Variants in ACP2 observed in about 807,000 individuals in gnomAD.
ACP2 encodes lysosomal acid phosphatase.
In ACP2, 35 loss-of-function variants were observed where a neutral mutation model predicts 54.7. The observed-to-expected ratio is 0.64, with a 90% confidence interval of 0.49 to 0.85. The LOEUF is 0.85. Among genes scored for constraint, ACP2 ranks in the 40% least tolerant of loss-of-function variants. ACP2 has a pLI of 0.00. For synonymous variants in ACP2, 210 were observed against 224.4 expected (o/e 0.94, Z 0.57); for missense variants, 492 against 565.0 (o/e 0.87, Z 1.31).
At chr11:47,240,294 C>A in intron 10 of ACP2, 45 bp from the exon 11 acceptor site, 1 of 948,986 alleles carries the variant, frequency 1.1e-6, no homozygotes, top group Non-Finnish European at 1.7e-6. Context: ...AGCGTTCCAT[C>A]ATATGCCAGC....
chr11:47,248,445 T>C, intron 1 of ACP2: 1 of 1,543,408 alleles, frequency 6.5e-7, no homozygotes, highest in Non-Finnish European at 8.7e-7. Context: ...GGGATGAGTC[T>C]TAACCATTCA....
intron 8 of ACP2, 25 bp downstream of exon 8, chr11:47,243,214 C>T: frequency 6.2e-7 from 1 of 1,613,962 alleles, no homozygotes; most frequent in Non-Finnish European, 8.5e-7. Flanking sequence ...CCTGACACAG[C>T]ACGCTAGGGA....
chr11:47,247,436 T>C lies in ACP2; in HGVS notation c.297+205A>G, dbSNP rs547906234. 18 of 615,136 alleles carry C rather than the reference T, an allele frequency of 2.9e-5. No individual in the cohort carries two copies. In the East Asian group the frequency reaches 5.0e-4, roughly 17 times the overall value. 38.1% of individuals were successfully genotyped at this position (615,136 alleles called of 1,614,324 possible). A position where few individuals can be genotyped will look rare whatever the true frequency, so the allele number is the denominator to read the frequency against. ...CTTAAGTCCGAATTTGGATGCTTAA[T>C]CAAATTTGCCTCATCCCAGCCAAGC... is the stretch of plus-strand genomic sequence containing the variant. On this transcript the variant is annotated intron_variant, in intron 3 of 10. Transcript: ENST00000672073.
In ACP2 at chr11:47,248,199, C is replaced by A. The variant is rs1376286798; in HGVS notation, c.115-66G>T. ...CCCTTGATAGGGACCCAGAGCCTAC[C>A]TTTTGCCCCATGTTAGGGAAGGAAG... is the stretch of plus-strand genomic sequence containing the variant. On this transcript the variant is annotated intron_variant, in intron 1 of 10. Coordinates refer to ENST00000672073, the MANE Select transcript of ACP2 (RefSeq NM_001610.4). The A allele has an allele frequency of 1.0e-5, 15 of 1,452,030 alleles. No homozygotes were observed. The East Asian group carries it at 3.0e-4, about 29-fold the overall frequency. 89.9% of individuals were successfully genotyped at this position (1,452,030 alleles called of 1,614,324 possible). A position where few individuals can be genotyped will look rare whatever the true frequency, so the allele number is the denominator to read the frequency against.
At chr11:47,243,721 C>T (rs1953956906) in intron 7 of ACP2, among the ~76,000 whole-genome samples, 1 of 152,114 alleles carries the variant, frequency 6.6e-6, no homozygotes, top group East Asian at 1.9e-4. Flanking sequence ...CTTAGGTGCT[C>T]AAATAAGGAA....
Position 47,240,248 on chromosome 11 carries a change from C to T in ACP2, c.1140G>A (p.Glu380=), listed in dbSNP as rs887017132. The change falls in exon 11 of 11, where the codon GAG becomes GAA. Residue 380 remains glutamate (E), a splice_region_variant and synonymous_variant. Transcript: ENST00000672073. ...CACATACAGCCAAGGCCACAATCAC[C>T]TCTGGGCATGGGGGAGGCAAGAGAA... is the stretch of plus-strand genomic sequence containing the variant. ...CQLASGPADT[E]VIVALAVCGS... is the part of the protein sequence containing the mutation. 1.4e-6 allele frequency: 2 copies of T among 1,459,508 alleles called. No homozygotes were observed. Among genetic ancestry groups the T allele is most frequent in the Non-Finnish European group, 9.6e-7 (1 of 1,039,152 alleles). 90.4% of individuals were successfully genotyped at this position (1,459,508 alleles called of 1,614,324 possible). A position where few individuals can be genotyped will look rare whatever the true frequency, so the allele number is the denominator to read the frequency against.
chr11:47,246,785 A>T (rs148984190), intron 3 of ACP2, among the ~76,000 whole-genome samples: 1,667 of 152,260 alleles, frequency 0.011, 39 homozygotes, highest in African/African-American at 0.037. Context: ...CTGAGACAGG[A>T]GAATCGCTTG....
intron 1 of ACP2, 91 bp downstream of exon 1, chr11:47,248,585 A>C (rs1238067198): frequency 1.2e-5 from 18 of 1,552,052 alleles, no homozygotes; most frequent in Non-Finnish European, 1.6e-5. Flanking sequence ...CTCCTAAACC[A>C]GCTGTTCCTT....
chr11:47,243,106 C>T lies in ACP2; in HGVS notation c.874G>A (p.Ala292Thr). ...TAGACATCCAGTGCCATTTGCAGGG[C>T]AACCAGGGTAGTGTCGTGCTGCGGG... Reference protein sequence around the residue: ...VYSAHDTTLVALQMALDVYNG... With the variant: ...VYSAHDTTLVTLQMALDVYNG... Residue 292 changes from alanine to threonine, a missense_variant, in exon 9 of 11, where the codon GCC becomes ACC. Transcript: ENST00000672073. 1 of 1,614,228 alleles carries T rather than the reference C, an allele frequency of 6.2e-7. No homozygotes were observed.
At chr11:47,240,954 CAT>C (rs1471906758) in intron 10 of ACP2, among the ~76,000 whole-genome samples, 5 of 152,084 alleles carry the variant, frequency 3.3e-5, no homozygotes, top group Non-Finnish European at 7.4e-5. Flanking sequence ...CAATGAATGA[CAT>C]ACAACAATCT....
rs368717352 is a variant in ACP2, at chr11:47,242,795, G to A, written c.1066C>T (p.Arg356Cys). Reference protein sequence around the residue: ...PHRCPLQDFLRLTEPVVPKDW... With the variant: ...PHRCPLQDFLCLTEPVVPKDW... ...TTGGGCACGACGGGCTCTGTGAGGC[G>A]AAGGAAGTCCTGCAGTGGGCAGCGG... is the stretch of plus-strand genomic sequence containing the variant. Residue 356 changes from arginine to cysteine, a missense_variant, in exon 10 of 11, where the codon CGC (arginine) becomes TGC (cysteine). Coordinates refer to ENST00000672073, the MANE Select transcript of ACP2 (RefSeq NM_001610.4). 1.1e-5 allele frequency: 17 copies of A among 1,614,206 alleles called. No individual in the cohort carries two copies. In the East Asian group the frequency reaches 1.1e-4, roughly 11 times the overall value.
At chr11:47,245,084 C>A in intron 6 of ACP2, 2 of 957,424 alleles carry the variant, frequency 2.1e-6, no homozygotes, top group Admixed American at 2.1e-5. Flanking sequence ...CAGAAAGGAG[C>A]TCTGGGTGGA....
intron 6 of ACP2, 183 bp from the exon 7 acceptor site, chr11:47,245,050 T>G: frequency 3.3e-6 from 4 of 1,211,742 alleles, no homozygotes; most frequent in Non-Finnish European, 4.6e-6. Flanking sequence ...GAAAGGAAGC[T>G]CAGGCACAAA....
At chr11:47,247,400 C>T in intron 3 of ACP2, 1 of 577,702 alleles carries the variant, frequency 1.7e-6, no homozygotes, top group South Asian at 2.0e-5. Flanking sequence ...AACCACTTTG[C>T]CAGGCCCGCC....
intron 10 of ACP2, among the ~76,000 whole-genome samples, chr11:47,240,475 A>T (rs1189167634): frequency 6.6e-6 from 1 of 152,196 alleles, no homozygotes. Context: ...AGATCACCTG[A>T]GGTCAGGAGT....
rs576452672 is a variant in ACP2 at position 47,247,979 on chromosome 11, T to A, written c.210+59A>T. The A allele has an allele frequency of 1.1e-5, 16 of 1,425,640 alleles. No individual in the cohort carries two copies. The South Asian group carries it at 2.0e-4, about 18-fold the overall frequency. 88.3% of individuals were successfully genotyped at this position (1,425,640 alleles called of 1,614,324 possible). A position where few individuals can be genotyped will look rare whatever the true frequency, so the allele number is the denominator to read the frequency against. On this transcript the variant is annotated intron_variant, in intron 2 of 10. Transcript: ENST00000672073. ...TAGTAGGACCCCAAGTTTTGTAGACTGCTCTAGACGTCGCTCATTCTGCAG... is the reference window on the plus strand; with the variant it reads ...TAGTAGGACCCCAAGTTTTGTAGACAGCTCTAGACGTCGCTCATTCTGCAG...
In ACP2 at chr11:47,245,313, A is replaced by G. The variant is rs201635592; in HGVS notation, c.631T>C (p.Phe211Leu). The G allele has an allele frequency of 1.1e-5, 18 of 1,614,104 alleles. No homozygotes were observed. The African/African-American group carries it at 1.9e-4, about 17-fold the overall frequency. The change falls in exon 6 of 11, where the codon TTC (phenylalanine) becomes CTC (leucine). Residue 211 changes from phenylalanine (F) to leucine (L), a missense_variant. Phe to Leu is a conservative substitution (Grantham distance 22). Transcript: ENST00000672073. ...CACCCTAGTGGGCTCACCTCACAGA[A>G]GAGTGTGTCATAGACATTCCAGACG... Reference protein sequence around the residue: ...ETVWNVYDTLFCEQTHGLRLP... With the variant: ...ETVWNVYDTLLCEQTHGLRLP...
intron 10 of ACP2, among the ~76,000 whole-genome samples, chr11:47,240,635 C>T (rs945541965): frequency 3.9e-5 from 6 of 152,250 alleles, no homozygotes; most frequent in African/African-American, 1.2e-4. Context: ...GCCTGGCCAA[C>T]GTGGTGAAAT....
chr11:47,242,983 G>A (rs1565161861), intron 9 of ACP2, 35 bp downstream of exon 9: 1 of 1,613,186 alleles, frequency 6.2e-7, no homozygotes. Context: ...CCTCCCGAGG[G>A]CCCCCCTCCA....
Sources: gnomAD v4.1 joint callset for allele counts (sites outside exome capture counted in the v4.1 genomes callset) on GRCh38, gnomAD v4.1.1 for gene constraint, MANE v1.5 for transcripts, NCBI Gene and HGNC (gene_info 2026-07-23, HGNC 2026-07-21) for gene names.